RALGAPB: variants seen among roughly 807,000 people sequenced by gnomAD.
RALGAPB encodes ral GTPase-activating protein subunit beta.
In RALGAPB, 25 loss-of-function variants were observed where a neutral mutation model predicts 161.1. That is an observed-to-expected ratio of 0.16 (90% CI 0.11 to 0.22). The LOEUF (loss-of-function observed/expected upper bound fraction) is 0.22, where lower values mean the gene tolerates loss of function less well. Ranked by LOEUF, RALGAPB falls within the 10% of genes least tolerant of loss-of-function variation. The pLI is 1.00. For synonymous variants in RALGAPB, 629 were observed against 626.1 expected (o/e 1.00, Z -0.07); for missense variants, 1,391 against 1,815.2 (o/e 0.77, Z 4.25).
chr20:38,546,223 A>G lies in RALGAPB; in HGVS notation c.2715-20A>G, dbSNP rs2087157485. 2 of 1,613,004 alleles carry G rather than the reference A, an allele frequency of 1.2e-6. No homozygotes were observed. The highest frequency in any genetic ancestry group is 1.3e-5 in the African/African-American group (1 of 74,900). On this transcript the variant is annotated intron_variant, in intron 18 of 29. Coordinates refer to ENST00000262879, the MANE Select transcript of RALGAPB (RefSeq NM_020336.4). ...GATTTTGCTTTGGGAATTAACTGTT[A>G]TCTTTTCCATTCTCCATAGCATTAT...
chr20:38,526,057 G>A lies in RALGAPB; in HGVS notation c.2050+15G>A, dbSNP rs754749634. ...AATGATATTAGGTTTGTATTCACAC[G>A]TTATTTTGTAAGTGAAACCAAAGTA... On this transcript the variant is annotated intron_variant, in intron 13 of 29. Transcript: ENST00000262879. 36 of 1,612,728 alleles carry A rather than the reference G, an allele frequency of 2.2e-5. No individual in the cohort carries two copies. Among genetic ancestry groups the A allele is most frequent in the Non-Finnish European group, 2.5e-5 (29 of 1,179,574 alleles).
In RALGAPB at chr20:38,528,348, TA is replaced by T. The variant is rs1399131002; in HGVS notation, c.2050+2307del. ...TTGACCTTCACATTCATTTTATTTT[TA>T]TTTATTTATTTATTTATTTATTTAT... On this transcript the variant is annotated intron_variant, in intron 13 of 29. Transcript: ENST00000262879. Among the ~76,000 whole-genome samples, 49 of 4,244 alleles carry T rather than the reference TA, an allele frequency of 0.012. No individual in the cohort carries two copies. In the Admixed American group the frequency reaches 0.16, roughly 14 times the overall value. 2.8% of individuals were successfully genotyped at this position (4,244 alleles called of 152,430 possible).
At chr20:38,561,834 C>T (rs2145488609) in intron 23 of RALGAPB, among the ~76,000 whole-genome samples, 1 of 152,294 alleles carries the variant, frequency 6.6e-6, no homozygotes, top group African/African-American at 2.4e-5. Context: ...TAGTGTGCCT[C>T]ACCAGTTATG....
rs746101012 is a variant in RALGAPB, at chr20:38,517,808, G to A, written c.1225G>A (p.Val409Ile). Residue 409 changes from valine (V) to isoleucine (I), a missense_variant, in exon 9 of 30, where the codon GTT becomes ATT. Physicochemically the swap from Val to Ile is conservative, Grantham distance 29. Coordinates refer to ENST00000262879, the MANE Select transcript of RALGAPB (RefSeq NM_020336.4). ...STVSTAHASK[V>I]QHQTSSTSPL... Reference sequence around the variant, plus strand: ...GGTTAGTACTGCTCATGCCTCTAAAGTTCAGCACCAGACGTCCTCCACCTC... The same window carrying A: ...GGTTAGTACTGCTCATGCCTCTAAAATTCAGCACCAGACGTCCTCCACCTC... The A allele has an allele frequency of 7.4e-6, 12 of 1,613,760 alleles. No individual in the cohort carries two copies. The highest frequency in any genetic ancestry group is 1.0e-5 in the Non-Finnish European group (12 of 1,179,674).
intron 14 of RALGAPB, 112 bp downstream of exon 14, chr20:38,531,343 T>C: frequency 1.1e-6 from 1 of 885,762 alleles, no homozygotes; most frequent in Non-Finnish European, 1.8e-6. Context: ...TTGTAAATCC[T>C]GCTCATTGGC....
intron 1 of RALGAPB, among the ~76,000 whole-genome samples, chr20:38,480,018 G>A (rs530706467): frequency 4.0e-5 from 6 of 150,996 alleles, no homozygotes; most frequent in Admixed American, 2.0e-4. Flanking sequence ...GTCTTCTTCT[G>A]TTGCTCAGGC....
intron 5 of RALGAPB, among the ~76,000 whole-genome samples, chr20:38,502,758 A>G (rs924708306): frequency 2.6e-5 from 4 of 152,100 alleles, no homozygotes; most frequent in Non-Finnish European, 4.4e-5. Flanking sequence ...GTGAGCCACC[A>G]TGCCCAGCTA....
intron 5 of RALGAPB, among the ~76,000 whole-genome samples, chr20:38,503,703 C>T (rs1017164982): frequency 4.6e-5 from 7 of 152,152 alleles, no homozygotes; most frequent in Non-Finnish European, 8.8e-5. Flanking sequence ...AGGATTGACT[C>T]CGATTTTGAA....
intron 1 of RALGAPB, among the ~76,000 whole-genome samples, chr20:38,474,549 G>A (rs911514015): frequency 1.3e-5 from 2 of 152,102 alleles, no homozygotes; most frequent in African/African-American, 4.8e-5. Context: ...ATAGTGGTGG[G>A]ATTACAGATG....
At chr20:38,522,566 T>A (rs2086322749) in intron 10 of RALGAPB, among the ~76,000 whole-genome samples, 1 of 152,190 alleles carries the variant, frequency 6.6e-6, no homozygotes, top group Admixed American at 6.5e-5. Flanking sequence ...TAACTGATCA[T>A]TCACACAAGT....
At chr20:38,565,652 GTAGT>G (rs2087970169) in intron 25 of RALGAPB, among the ~76,000 whole-genome samples, 174 bp downstream of exon 25, 1 of 152,172 alleles carries the variant, frequency 6.6e-6, no homozygotes, top group Non-Finnish European at 1.5e-5. Flanking sequence ...TTTATGGAAA[GTAGT>G]TAAAGACAAG....
At chr20:38,511,507 A>G (rs926842521) in intron 6 of RALGAPB, among the ~76,000 whole-genome samples, 4 of 151,918 alleles carry the variant, frequency 2.6e-5, no homozygotes, top group African/African-American at 9.7e-5. Context: ...GTCCCTGGGT[A>G]CTTGAGATTA....
intron 10 of RALGAPB, among the ~76,000 whole-genome samples, chr20:38,524,452 T>G (rs2086396325): frequency 1.3e-5 from 2 of 151,898 alleles, no homozygotes; most frequent in Non-Finnish European, 2.9e-5. Flanking sequence ...GAACTTTGAG[T>G]TGCAAGGCTT....
intron 5 of RALGAPB, among the ~76,000 whole-genome samples, chr20:38,501,296 G>A (rs1309619806): frequency 6.6e-6 from 1 of 152,134 alleles, no homozygotes; most frequent in Non-Finnish European, 1.5e-5. Context: ...TGCCTTGGCA[G>A]CCTATATACT....
At chr20:38,556,823 G>A (rs964878178) in intron 22 of RALGAPB, among the ~76,000 whole-genome samples, 5 of 151,956 alleles carry the variant, frequency 3.3e-5, no homozygotes, top group Admixed American at 6.6e-5. Context: ...TGATTTCAAC[G>A]TAAAAACTGA....
intron 7 of RALGAPB, 123 bp downstream of exon 7, chr20:38,516,493 A>G: frequency 1.0e-6 from 1 of 973,906 alleles, no homozygotes; most frequent in Non-Finnish European, 1.5e-6. Context: ...GACAAATAAC[A>G]AGCGAGGAAA....
intron 2 of RALGAPB, 27 bp from the exon 3 acceptor site, chr20:38,492,903 T>C (rs1003481424): frequency 6.5e-7 from 1 of 1,549,332 alleles, no homozygotes; most frequent in Non-Finnish European, 8.9e-7. Context: ...GTGTAATAAT[T>C]CTATATGGAT....
At chr20:38,483,544 G>A (rs936362994) in intron 1 of RALGAPB, among the ~76,000 whole-genome samples, 1 of 152,090 alleles carries the variant, frequency 6.6e-6, no homozygotes, top group South Asian at 2.1e-4. Flanking sequence ...TCAAATTACC[G>A]GGTCAAGGCA....
intron 6 of RALGAPB, among the ~76,000 whole-genome samples, chr20:38,513,516 G>A (rs1442656053): frequency 6.6e-6 from 1 of 151,816 alleles, no homozygotes; most frequent in East Asian, 1.9e-4. Context: ...GCTGAGTATA[G>A]TGGTGCACCT....
Sources: allele counts gnomAD v4.1 joint callset (sites outside exome capture counted in the v4.1 genomes callset), GRCh38; gene constraint gnomAD v4.1.1; transcripts MANE v1.5; gene names NCBI Gene and HGNC (gene_info 2026-07-23, HGNC 2026-07-21).